The following BMPR1B variants were observed in gnomAD, a reference collection of about 807,000 sequenced individuals.
BMPR1B encodes bone morphogenetic protein receptor type-1B.
In BMPR1B, 12 loss-of-function variants were observed where a neutral mutation model predicts 59.1. The observed-to-expected ratio is 0.20, with a 90% confidence interval of 0.13 to 0.33. The LOEUF (loss-of-function observed/expected upper bound fraction) is 0.33, where lower values mean the gene tolerates loss of function less well. BMPR1B is among the 10% of genes least tolerant of loss of function. The pLI is 1.00. For synonymous variants in BMPR1B, 237 were observed against 207.3 expected, an observed-to-expected ratio of 1.14 and a Z score of -1.23; for missense variants, 550 against 610.9, an observed-to-expected ratio of 0.90 and a Z score of 1.05.
At chr4:95,084,857 T>C (rs1468747722) in intron 3 of BMPR1B, among the ~76,000 whole-genome samples, 3 of 152,230 alleles carry the variant, frequency 2.0e-5, no homozygotes, top group Non-Finnish European at 4.4e-5. Context: ...GAATCATCAC[T>C]GTGCTGGTTT....
intron 2 of BMPR1B, among the ~76,000 whole-genome samples, chr4:94,981,083 C>T (rs1721052163): frequency 6.6e-6 from 1 of 151,968 alleles, no homozygotes; most frequent in Non-Finnish European, 1.5e-5. Context: ...ATAGATTGTG[C>T]AGAAAATTTG....
intron 2 of BMPR1B, among the ~76,000 whole-genome samples, chr4:94,954,310 A>T (rs768369890): frequency 1.3e-4 from 20 of 152,248 alleles, no homozygotes; most frequent in South Asian, 2.1e-4. Context: ...CTCAACATTT[A>T]TTTTCTACTC....
At chr4:95,090,760 C>A (rs6822629) in intron 3 of BMPR1B, among the ~76,000 whole-genome samples, 1 of 151,776 alleles carries the variant, frequency 6.6e-6, no homozygotes, top group Non-Finnish European at 1.5e-5. Context: ...GAGGCTTTAA[C>A]TTGACTCTAA....
chr4:94,978,433 G>C (rs190626293), intron 2 of BMPR1B, among the ~76,000 whole-genome samples: 219 of 152,230 alleles, frequency 1.4e-3, no homozygotes, highest in Non-Finnish European at 2.3e-3. Flanking sequence ...TAGTTTCAAG[G>C]TCTCTCTAGT....
chr4:95,053,745 T>C (rs1280207362), intron 3 of BMPR1B, among the ~76,000 whole-genome samples: 1 of 152,158 alleles, frequency 6.6e-6, no homozygotes, highest in African/African-American at 2.4e-5. Flanking sequence ...TTGTCACCAA[T>C]TGACTTTTTT....
At chr4:95,068,068 C>T (rs1325345925) in intron 3 of BMPR1B, among the ~76,000 whole-genome samples, 2 of 152,116 alleles carry the variant, frequency 1.3e-5, no homozygotes, top group African/African-American at 4.8e-5. Context: ...AGTGTCACTG[C>T]AGAGTTGGAG....
intron 1 of BMPR1B, among the ~76,000 whole-genome samples, chr4:94,834,453 AC>A (rs1286207521): frequency 6.6e-6 from 1 of 150,404 alleles, no homozygotes; most frequent in African/African-American, 2.5e-5. Flanking sequence ...ATACTTGAAA[AC>A]CCTTCTTTTT....
At chr4:95,100,545 A>T (rs1202580584) in intron 3 of BMPR1B, among the ~76,000 whole-genome samples, 1 of 151,512 alleles carries the variant, frequency 6.6e-6, no homozygotes, top group African/African-American at 2.4e-5. Flanking sequence ...GTGTGGATCT[A>T]TTCACATGGG....
At position 95,125,077 on chromosome 4, in the gene BMPR1B, G is replaced by C; in HGVS notation, c.541G>C (p.Glu181Gln). Residue 181 changes from glutamate to glutamine, a missense_variant, in exon 8 of 13, where the codon GAG becomes CAG. Glu to Gln is a conservative substitution (Grantham distance 29). Coordinates refer to ENST00000515059, the MANE Select transcript of BMPR1B (RefSeq NM_001203.3). Reference sequence around the variant, plus strand: ...TGGAGAATCCCTGAGAGACTTAATTGAGCAGTCTCAGAGCTCAGGAAGTGG... The same window carrying C: ...TGGAGAATCCCTGAGAGACTTAATTCAGCAGTCTCAGAGCTCAGGAAGTGG... ...PPGESLRDLI[E>Q]QSQSSGSGSG... The C allele has an allele frequency of 6.2e-7, 1 of 1,613,790 alleles. No homozygotes were observed. The highest frequency in any genetic ancestry group is 8.5e-7 in the Non-Finnish European group (1 of 1,179,796).
intron 2 of BMPR1B, among the ~76,000 whole-genome samples, chr4:94,912,469 A>G (rs183967411): frequency 1.4e-3 from 207 of 152,240 alleles, no homozygotes; most frequent in Non-Finnish European, 1.7e-3. Flanking sequence ...TGTTCCCAGC[A>G]AAGTGGGATA....
At position 95,031,043 on chromosome 4, in the gene BMPR1B, A is replaced by T. The variant is rs996083090; in HGVS notation, c.-18+34909A>T. On this transcript the variant is annotated intron_variant, in intron 3 of 12. Transcript: ENST00000515059. ...TACTTTAAAGTTCATATGGAACCAA[A>T]AAAGAGCCCGCATCGCCAAGTCAAT... Among the ~76,000 whole-genome samples the T allele has an allele frequency of 2.0e-5, 3 of 151,994 alleles. No homozygotes were observed. The South Asian group carries it at 6.2e-4, about 32-fold the overall frequency.
Position 95,148,939 on chromosome 4 carries a change from G to A in BMPR1B, c.1252+16G>A, listed in dbSNP as rs1038850738. 1.2e-6 allele frequency: 2 copies of A among 1,613,560 alleles called. No individual in the cohort carries two copies. Among genetic ancestry groups the A allele is most frequent in the Non-Finnish European group, 1.7e-6 (2 of 1,179,668 alleles). ...GTATCAGGAGGTAAGAAACAGTGCT[G>A]TCTTTGAAAAGCTACTATTGGAGCT... On this transcript the variant is annotated intron_variant, in intron 11 of 12. Coordinates refer to ENST00000515059, the MANE Select transcript of BMPR1B (RefSeq NM_001203.3).
chr4:95,060,209 T>G (rs972767421), intron 3 of BMPR1B, among the ~76,000 whole-genome samples: 1 of 152,194 alleles, frequency 6.6e-6, no homozygotes, highest in South Asian at 2.1e-4. Context: ...AAGGCTTAAA[T>G]TTAATAAGCT....
At chr4:94,886,098 CTA>C (rs1727160267) in intron 2 of BMPR1B, among the ~76,000 whole-genome samples, 1 of 152,032 alleles carries the variant, frequency 6.6e-6, no homozygotes. Context: ...TTTGTAAGTG[CTA>C]TGCCTAAGTT....
intron 2 of BMPR1B, among the ~76,000 whole-genome samples, chr4:94,916,153 T>A (rs1300264738): frequency 6.6e-6 from 1 of 152,112 alleles, no homozygotes; most frequent in African/African-American, 2.4e-5. Context: ...TTTATTGCAA[T>A]ACAGGAACAA....
chr4:94,976,194 A>T (rs1731026412), intron 2 of BMPR1B, among the ~76,000 whole-genome samples: 1 of 152,178 alleles, frequency 6.6e-6, no homozygotes, highest in Admixed American at 6.6e-5. Flanking sequence ...ATAGCATGGC[A>T]GCCCCAAGGC....
At chr4:94,801,614 T>G (rs1723410556) in intron 1 of BMPR1B, among the ~76,000 whole-genome samples, 1 of 152,214 alleles carries the variant, frequency 6.6e-6, no homozygotes, top group Non-Finnish European at 1.5e-5. Flanking sequence ...AGTACTATTA[T>G]TCCTATTTTG....
intron 3 of BMPR1B, among the ~76,000 whole-genome samples, chr4:95,048,682 C>T (rs1366802446): frequency 6.6e-6 from 1 of 152,012 alleles, no homozygotes; most frequent in Non-Finnish European, 1.5e-5. Context: ...GAAACCAGTT[C>T]TTGACCTGGT....
chr4:94,988,212 T>C (rs1337354625), intron 2 of BMPR1B, among the ~76,000 whole-genome samples: 1 of 152,110 alleles, frequency 6.6e-6, no homozygotes, highest in African/African-American at 2.4e-5. Flanking sequence ...CATATAAATA[T>C]ACATTTAGCT....
Sources: gnomAD v4.1 joint callset for allele counts (sites outside exome capture counted in the v4.1 genomes callset) on GRCh38, gnomAD v4.1.1 for gene constraint, MANE v1.5 for transcripts, NCBI Gene and HGNC (gene_info 2026-07-23, HGNC 2026-07-21) for gene names.